Variants in STRN3 observed in about 807,000 individuals in gnomAD.
The protein encoded by STRN3 is striatin 3.
STRN3 carries 29 observed loss-of-function variants against 95.6 expected under a neutral mutation model. The ratio of observed to expected loss-of-function variants is 0.30; its 90% confidence interval spans 0.23 to 0.41. The LOEUF (loss-of-function observed/expected upper bound fraction) is 0.41. Among genes scored for constraint, STRN3 ranks in the 10% least tolerant of loss-of-function variants. STRN3 has a pLI of 1.00. For synonymous variants in STRN3, 331 were observed against 357.6 expected (o/e 0.93, Z 0.84); for missense variants, 890 against 972.1 (o/e 0.92, Z 1.12).
chr14:30,944,363 C>G (rs1879237125), intron 5 of STRN3, among the ~76,000 whole-genome samples: 1 of 151,656 alleles, frequency 6.6e-6, no homozygotes. Flanking sequence ...TATCTGATGT[C>G]AAACTGACTT....
intron 9 of STRN3, among the ~76,000 whole-genome samples, chr14:30,918,672 A>AT (rs1594434946): frequency 1.3e-5 from 2 of 152,132 alleles, no homozygotes; most frequent in East Asian, 3.8e-4. Context: ...ATAAATTACT[A>AT]TTTTCCCATT....
intron 13 of STRN3, among the ~76,000 whole-genome samples, chr14:30,908,197 T>C (rs777921758): frequency 6.6e-5 from 10 of 152,116 alleles, no homozygotes; most frequent in African/African-American, 9.7e-5. Flanking sequence ...ATCATTACCA[T>C]AGTGAAAAAA....
intron 7 of STRN3, among the ~76,000 whole-genome samples, chr14:30,934,372 T>C (rs1878714234): frequency 6.6e-6 from 1 of 152,052 alleles, no homozygotes; most frequent in East Asian, 1.9e-4. Flanking sequence ...CCAATATAGC[T>C]CAGTAAACAC....
chr14:30,929,165 T>C (rs1347810374), intron 8 of STRN3, 36 bp downstream of exon 8: 2 of 1,509,250 alleles, frequency 1.3e-6, no homozygotes, highest in East Asian at 2.3e-5. Flanking sequence ...CAATTATTGG[T>C]ATACAAAAAT....
At chr14:30,954,162 A>G (rs1209911317) in intron 3 of STRN3, among the ~76,000 whole-genome samples, 1 of 152,112 alleles carries the variant, frequency 6.6e-6, no homozygotes, top group Non-Finnish European at 1.5e-5. Context: ...AACATTTCAT[A>G]TATTTATTGG....
At chr14:30,989,128 G>GT (rs1422109677) in intron 1 of STRN3, among the ~76,000 whole-genome samples, 1 of 152,104 alleles carries the variant, frequency 6.6e-6, no homozygotes, top group Non-Finnish European at 1.5e-5. Context: ...ACAGAAAGTA[G>GT]TCTGGTCAAG....
chr14:30,985,367 G>A (rs984235460), intron 1 of STRN3, among the ~76,000 whole-genome samples: 1 of 151,550 alleles, frequency 6.6e-6, no homozygotes, highest in Non-Finnish European at 1.5e-5. Flanking sequence ...ACTTTTGGGG[G>A]CCGAGGCAGG....
intron 1 of STRN3, among the ~76,000 whole-genome samples, chr14:31,019,620 A>C (rs2139350246): frequency 6.6e-6 from 1 of 152,332 alleles, no homozygotes; most frequent in African/African-American, 2.4e-5. Context: ...GAACTAAGGC[A>C]GTATTAGTAC....
chr14:30,979,208 A>C (rs937337532), intron 1 of STRN3, among the ~76,000 whole-genome samples: 2 of 152,148 alleles, frequency 1.3e-5, no homozygotes, highest in Non-Finnish European at 2.9e-5. Flanking sequence ...AAAGCTAACA[A>C]AACATGCACA....
chr14:30,935,065 A>G (rs1878749615), intron 7 of STRN3, 98 bp downstream of exon 7: 2 of 1,443,154 alleles, frequency 1.4e-6, no homozygotes, highest in Non-Finnish European at 1.9e-6. Flanking sequence ...TTTAACTGCC[A>G]CCATATATTT....
At chr14:31,006,246 G>T (rs1001805486) in intron 1 of STRN3, among the ~76,000 whole-genome samples, 2 of 151,898 alleles carry the variant, frequency 1.3e-5, no homozygotes, top group Non-Finnish European at 2.9e-5. Flanking sequence ...TTATATAAAG[G>T]TAATACCACC....
At chr14:30,970,699 CATCT>C (rs1227891628) in intron 1 of STRN3, among the ~76,000 whole-genome samples, 31 of 152,184 alleles carry the variant, frequency 2.0e-4, no homozygotes, top group African/African-American at 6.0e-4. Flanking sequence ...GTTCCTCCTC[CATCT>C]AAGGACAAGG....
At chr14:30,985,306 C>CAAA (rs60601878) in intron 1 of STRN3, among the ~76,000 whole-genome samples, 1 of 128,134 alleles carries the variant, frequency 7.8e-6, no homozygotes, top group African/African-American at 2.9e-5. Context: ...AAAACTCCGC[C>CAAA]AAAAAAAAAA....
intron 5 of STRN3, among the ~76,000 whole-genome samples, chr14:30,945,321 G>T (rs1410369403): frequency 1.3e-5 from 2 of 152,100 alleles, no homozygotes; most frequent in Non-Finnish European, 2.9e-5. Context: ...ACCTATATAA[G>T]AAACACACAA....
At chr14:30,907,148 T>C (rs984909201) in intron 13 of STRN3, 104 bp from the exon 14 acceptor site, 39 of 1,301,368 alleles carry the variant, frequency 3.0e-5, no homozygotes, top group Non-Finnish European at 3.6e-5. Context: ...AGAACACACA[T>C]AAAGGCCACA....
intron 16 of STRN3, among the ~76,000 whole-genome samples, chr14:30,901,662 T>C (rs1896318670): frequency 6.6e-6 from 1 of 152,180 alleles, no homozygotes; most frequent in Non-Finnish European, 1.5e-5. Flanking sequence ...AAGCTATCTA[T>C]TATCTATTAT....
At chr14:30,990,440 T>G (rs546469227) in intron 1 of STRN3, among the ~76,000 whole-genome samples, 20 of 152,148 alleles carry the variant, frequency 1.3e-4, no homozygotes, top group Non-Finnish European at 2.5e-4. Flanking sequence ...AGTGCTGGGA[T>G]TACAGGCCTG....
chr14:30,928,793 G>T (rs1422131210), intron 8 of STRN3, among the ~76,000 whole-genome samples: 1 of 152,158 alleles, frequency 6.6e-6, no homozygotes, highest in Non-Finnish European at 1.5e-5. Context: ...CCTATTCACT[G>T]TAGGTAAGGA....
intron 1 of STRN3, among the ~76,000 whole-genome samples, chr14:31,016,931 G>C (rs993863353): frequency 6.7e-6 from 1 of 150,320 alleles, no homozygotes; most frequent in Non-Finnish European, 1.5e-5. Context: ...AAGGATGGCA[G>C]ATAGCTTGAG....
Sources: allele counts gnomAD v4.1 joint callset (sites outside exome capture counted in the v4.1 genomes callset), GRCh38; gene constraint gnomAD v4.1.1; transcripts MANE v1.5; gene names NCBI Gene and HGNC (gene_info 2026-07-23, HGNC 2026-07-21).